Variants in THSD7A observed in about 807,000 individuals in gnomAD.
THSD7A encodes the protein thrombospondin type 1 domain containing 7A.
A neutral mutation model predicts 231.3 loss-of-function variants in THSD7A; 96 were observed. The ratio of observed to expected loss-of-function variants is 0.41; its 90% confidence interval spans 0.35 to 0.49. THSD7A has a LOEUF of 0.49. Among genes scored for constraint, THSD7A ranks in the 20% least tolerant of loss-of-function variants. The probability of loss-of-function intolerance (pLI) is 0.05; values close to 1 mark genes in which losing one functional copy is unlikely to be tolerated. For synonymous variants in THSD7A, 940 were observed against 743.3 expected, an observed-to-expected ratio of 1.26 and a Z score of -4.30; for missense variants, 2,290 against 2,070.2, an observed-to-expected ratio of 1.11 and a Z score of -2.06.
At chr7:11,391,662 GA>G (rs1015812185) in intron 23 of THSD7A, among the ~76,000 whole-genome samples, 3 of 152,136 alleles carry the variant, frequency 2.0e-5, no homozygotes, top group East Asian at 1.9e-4. Context: ...ATTGGGGTAT[GA>G]AAAAAAGCTC....
chr7:11,795,402 C>T (rs1431327483), intron 1 of THSD7A, among the ~76,000 whole-genome samples: 1 of 151,910 alleles, frequency 6.6e-6, no homozygotes, highest in Non-Finnish European at 1.5e-5. Flanking sequence ...AGGATAGTGT[C>T]AAAAGATGAT....
intron 1 of THSD7A, among the ~76,000 whole-genome samples, chr7:11,743,362 T>C (rs1264408191): frequency 6.6e-6 from 1 of 151,932 alleles, no homozygotes; most frequent in Non-Finnish European, 1.5e-5. Flanking sequence ...CCACTGAGAA[T>C]ATTCACCTTG....
chr7:11,696,942 T>A (rs182510206), intron 1 of THSD7A, among the ~76,000 whole-genome samples: 1 of 151,416 alleles, frequency 6.6e-6, no homozygotes, highest in Non-Finnish European at 1.5e-5. Flanking sequence ...TAGTTTCAAT[T>A]AGAAGCTCAA....
chr7:11,759,550 T>C (rs1192131151), intron 1 of THSD7A, among the ~76,000 whole-genome samples: 4 of 151,816 alleles, frequency 2.6e-5, no homozygotes, highest in African/African-American at 4.8e-5. Flanking sequence ...GGGAAGGCAA[T>C]AGAAGAAATA....
At chr7:11,407,200 C>A (rs745929472) in intron 20 of THSD7A, 106 bp downstream of exon 20, 17 of 1,434,176 alleles carry the variant, frequency 1.2e-5, no homozygotes, top group Non-Finnish European at 1.4e-5. Context: ...GAAAGACAAC[C>A]AATCCAACCT....
At chr7:11,382,053 T>A (rs1782537628) in intron 24 of THSD7A, among the ~76,000 whole-genome samples, 1 of 152,192 alleles carries the variant, frequency 6.6e-6, no homozygotes, top group African/African-American at 2.4e-5. Flanking sequence ...TTAATTAATT[T>A]AAAAATCTCT....
At chr7:11,507,589 G>A (rs1211254948) in intron 6 of THSD7A, among the ~76,000 whole-genome samples, 1 of 117,980 alleles carries the variant, frequency 8.5e-6, no homozygotes, top group African/African-American at 3.6e-5. Context: ...ACTCTTCCAT[G>A]AAATAATGTG....
intron 3 of THSD7A, among the ~76,000 whole-genome samples, chr7:11,592,752 A>G (rs1396860660): frequency 6.6e-6 from 1 of 152,218 alleles, no homozygotes; most frequent in Non-Finnish European, 1.5e-5. Context: ...TTGTTATACA[A>G]AGTACTGAAT....
intron 16 of THSD7A, among the ~76,000 whole-genome samples, chr7:11,422,882 A>C (rs1048034458): frequency 6.6e-6 from 1 of 152,088 alleles, no homozygotes; most frequent in Non-Finnish European, 1.5e-5. Flanking sequence ...TGATTTCTTG[A>C]CGTTGTGATC....
chr7:11,564,295 G>A (rs1252040787), intron 4 of THSD7A, among the ~76,000 whole-genome samples: 1 of 152,158 alleles, frequency 6.6e-6, no homozygotes, highest in Non-Finnish European at 1.5e-5. Context: ...GTTATCACGT[G>A]GACACTAACA....
intron 1 of THSD7A, among the ~76,000 whole-genome samples, chr7:11,668,125 A>T (rs1783219367): frequency 8.8e-6 from 1 of 113,618 alleles, no homozygotes. Flanking sequence ...TGTGAAATCT[A>T]TTATTTTTTT....
At position 11,763,577 on chromosome 7, in the gene THSD7A, T is replaced by C. The variant is rs541808613; in HGVS notation, c.190+68180A>G. On this transcript the variant is annotated intron_variant, in intron 1 of 27. Transcript: ENST00000423059. ...TATACCTAAATCTTAGCATAATGCC[T>C]TAAAACAATCAACTCAAAAAATGAA... 3.4e-4 allele frequency among the ~76,000 whole-genome samples: 52 copies of C among 152,288 alleles called. No homozygotes were observed. In the South Asian group the frequency reaches 0.01, roughly 30 times the overall value.
At chr7:11,464,751 G>A (rs1045534302) in intron 9 of THSD7A, among the ~76,000 whole-genome samples, 16 of 152,206 alleles carry the variant, frequency 1.1e-4, no homozygotes, top group African/African-American at 3.4e-4. Context: ...GATTCAAGTG[G>A]AACTCTTCAA....
chr7:11,577,878 C>T (rs1031635745), intron 4 of THSD7A, among the ~76,000 whole-genome samples: 5 of 151,996 alleles, frequency 3.3e-5, no homozygotes, highest in African/African-American at 4.8e-5. Flanking sequence ...ACTTAAAATT[C>T]GCAAGGCTTC....
At chr7:11,610,999 A>G (rs2128348865) in intron 2 of THSD7A, among the ~76,000 whole-genome samples, 1 of 152,316 alleles carries the variant, frequency 6.6e-6, no homozygotes, top group South Asian at 2.1e-4. Context: ...CAGATTCTCT[A>G]TTTAAATGCC....
chr7:11,481,843 C>A lies in THSD7A; in HGVS notation c.1962G>T (p.Thr654=), dbSNP rs772100611. 2 of 1,613,588 alleles carry A rather than the reference C, an allele frequency of 1.2e-6. No homozygotes were observed. Among genetic ancestry groups the A allele is most frequent in the African/African-American group, 2.7e-5 (2 of 74,910 alleles). ...SSCSHTCSGK[T]TEGKQIRARS... ...GTGCTCGTATCTGTTTCCCTTCTGTCGTTTTCCCTGAGCAGGTGTGTGAGC... is the reference window on the plus strand; with the variant it reads ...GTGCTCGTATCTGTTTCCCTTCTGTAGTTTTCCCTGAGCAGGTGTGTGAGC... The change falls in exon 7 of 28, where the codon ACG becomes ACT. Residue 654 remains threonine (T), a synonymous_variant. Transcript: ENST00000423059.
intron 4 of THSD7A, among the ~76,000 whole-genome samples, chr7:11,562,273 A>G (rs1790107182): frequency 6.8e-6 from 1 of 147,210 alleles, no homozygotes; most frequent in Non-Finnish European, 1.5e-5. Flanking sequence ...AATCATAAAA[A>G]TATATCTTTG....
At chr7:11,386,576 ATTTG>A (rs746711577) in intron 23 of THSD7A, among the ~76,000 whole-genome samples, 1 of 152,070 alleles carries the variant, frequency 6.6e-6, no homozygotes, top group Non-Finnish European at 1.5e-5. Context: ...TTTCTTGCAA[ATTTG>A]TTTAAGTTCT....
intron 1 of THSD7A, among the ~76,000 whole-genome samples, chr7:11,782,176 C>T (rs375397466): frequency 6.6e-6 from 1 of 152,184 alleles, no homozygotes; most frequent in African/African-American, 2.4e-5. Context: ...ATGTTCCCAT[C>T]TGTTCTGCAG....
Sources: gnomAD v4.1 joint callset for allele counts (sites outside exome capture counted in the v4.1 genomes callset) on GRCh38, gnomAD v4.1.1 for gene constraint, MANE v1.5 for transcripts, NCBI Gene and HGNC (gene_info 2026-07-23, HGNC 2026-07-21) for gene names.